Variants in COQ9 observed in about 807,000 individuals in gnomAD.
COQ9 encodes the protein coenzyme Q9, also known as ubiquinone biosynthesis protein COQ9, mitochondrial.
In COQ9, 35 loss-of-function variants were observed where a neutral mutation model predicts 42.4. The ratio of observed to expected loss-of-function variants is 0.83; its 90% CI spans 0.63 to 1.10. The LOEUF (loss-of-function observed/expected upper bound fraction) is 1.10. Among genes scored for constraint, COQ9 ranks in the 50% least tolerant of loss-of-function variants. COQ9 has a pLI of 0.00. For synonymous variants in COQ9, 155 were observed against 155.1 expected (o/e 1.00, Z 0.00); for missense variants, 406 against 414.6 (o/e 0.98, Z 0.18).
intron 2 of COQ9, 116 bp downstream of exon 2, chr16:57,451,324 T>C (rs757898682): frequency 1.6e-5 from 20 of 1,223,104 alleles, no homozygotes; most frequent in Non-Finnish European, 2.4e-5. Context: ...TCCAAGGCCA[T>C]CTTTGTTTTT....
At position 57,459,712 on chromosome 16, in the gene COQ9, G is replaced by C; in HGVS notation, c.859G>C (p.Ala287Pro). 6.2e-7 allele frequency: 1 copy of C among 1,614,108 alleles called. No homozygotes were observed. Among genetic ancestry groups the C allele is most frequent in the South Asian group, 1.1e-5 (1 of 91,088 alleles). Reference sequence around the variant, plus strand: ...TGATGCAATGAACATGGGCCACACTGCCAAGCAGGTAGGTGGGGACTAGCC... The same window carrying C: ...TGATGCAATGAACATGGGCCACACTCCCAAGCAGGTAGGTGGGGACTAGCC... ...VNDAMNMGHT[A>P]KQVKSTGEAL... Residue 287 changes from alanine (A) to proline (P), a missense_variant, in exon 7 of 9, where the codon GCC becomes CCC. By Grantham distance (27) the Ala-to-Pro change is conservative. Coordinates refer to ENST00000262507, the MANE Select transcript of COQ9 (RefSeq NM_020312.4).
intron 5 of COQ9, 151 bp downstream of exon 5, chr16:57,457,166 G>A (rs1417434402): frequency 1.4e-6 from 1 of 737,198 alleles, no homozygotes; most frequent in Admixed American, 2.0e-5. Flanking sequence ...TGGTAAAGCT[G>A]GGTTTCAAAC....
In COQ9 at chr16:57,459,557, C is replaced by A; in HGVS notation, c.712-8C>A. The A allele has an allele frequency of 6.2e-7, 1 of 1,614,118 alleles. No homozygotes were observed. The highest frequency in any genetic ancestry group is 1.1e-5 in the South Asian group (1 of 91,074). ...CAGCCCACAGCGGTAGTGTGGGTTT[C>A]TTTACAGTTTAACTGGTACACCCGC... On this transcript the variant is annotated splice_polypyrimidine_tract_variant and splice_region_variant and intron_variant, in intron 6 of 8. Coordinates refer to ENST00000262507, the MANE Select transcript of COQ9 (RefSeq NM_020312.4).
intron 3 of COQ9, chr16:57,453,218 C>T (rs2030328376): frequency 3.9e-6 from 2 of 511,718 alleles, no homozygotes; most frequent in African/African-American, 1.9e-5. Flanking sequence ...CTCTAAGATG[C>T]CATTGGTTGT....
chr16:57,456,492 C>A lies in COQ9; in HGVS notation c.379-12C>A, dbSNP rs1451236521. On this transcript the variant is annotated splice_polypyrimidine_tract_variant and intron_variant, in intron 3 of 8. Transcript: ENST00000262507. Reference sequence around the variant, plus strand: ...GGCACCGCTTTTCTGTTTTCTGTCTCCCCTTTTGTAGTCTCTGGGTCTCTC... The same window carrying A: ...GGCACCGCTTTTCTGTTTTCTGTCTACCCTTTTGTAGTCTCTGGGTCTCTC... The A allele has an allele frequency of 6.2e-7, 1 of 1,614,028 alleles. No individual in the cohort carries two copies. The highest frequency in any genetic ancestry group is 1.1e-5 in the South Asian group (1 of 91,014).
intron 2 of COQ9, among the ~76,000 whole-genome samples, chr16:57,451,934 C>T (rs564469881): frequency 2.0e-5 from 3 of 152,224 alleles, no homozygotes; most frequent in Admixed American, 6.5e-5. Flanking sequence ...AGATTTTTTA[C>T]TTATGTGGGC....
Position 57,460,731 on chromosome 16 carries a change from A to G in COQ9, c.*107A>G. The stretch of plus-strand genomic sequence containing the variant: ...CACATAACCTGGTGTTCACGAGAAC[A>G]CACTAAAGGACTCCTGAGTCACTAC... On this transcript the variant is annotated 3_prime_UTR_variant, in exon 9 of 9. Coordinates refer to ENST00000262507, the MANE Select transcript of COQ9 (RefSeq NM_020312.4). 1 of 1,024,722 alleles carries G rather than the reference A, an allele frequency of 9.8e-7. No homozygotes were observed. Among genetic ancestry groups the G allele is most frequent in the Non-Finnish European group, 1.5e-6 (1 of 660,992 alleles). 63.5% of individuals were successfully genotyped at this position (1,024,722 alleles called of 1,614,324 possible). A position where few individuals can be genotyped will look rare whatever the true frequency, so the allele number is the denominator to read the frequency against.
chr16:57,456,402 A>G, intron 3 of COQ9, 102 bp from the exon 4 acceptor site: 1 of 1,357,698 alleles, frequency 7.4e-7, no homozygotes, highest in Non-Finnish European at 1.0e-6. Context: ...GAGTGAAGAA[A>G]TCAAGCTGCT....
chr16:57,448,905 T>C (rs2030209946), intron 1 of COQ9, among the ~76,000 whole-genome samples: 1 of 152,192 alleles, frequency 6.6e-6, no homozygotes, highest in Non-Finnish European at 1.5e-5. Flanking sequence ...AATAGTATTT[T>C]TTTTATGGAA....
At chr16:57,452,099 G>A (rs73561583) in intron 2 of COQ9, among the ~76,000 whole-genome samples, 10,011 of 152,074 alleles carry the variant, frequency 0.066, 381 homozygotes, top group African/African-American at 0.1. Context: ...TTCAATTCAA[G>A]AAATATTTTT....
intron 6 of COQ9, 75 bp downstream of exon 6, chr16:57,458,425 T>C (rs1431109621): frequency 8.7e-7 from 1 of 1,149,078 alleles, no homozygotes; most frequent in Non-Finnish European, 1.3e-6. Flanking sequence ...GCTTGTGAAA[T>C]TGCTTTGATC....
rs565839543 is a variant in COQ9 at position 57,453,356 on chromosome 16, G to T, written c.378+420G>T. The T allele has an allele frequency of 8.4e-4, 252 of 298,934 alleles. 4 individuals carry two copies. Among genetic ancestry groups the T allele is most frequent in the South Asian group, 7.8e-3 (246 of 31,706 alleles). The allele number at this position is 298,934 out of a possible 1,614,324, so 18.5% of individuals were successfully genotyped here. A position where few individuals can be genotyped will look rare whatever the true frequency, so the allele number is the denominator to read the frequency against. ...AATATATCTGCATCTTAGAATTAATGACATATGGTGTTTGAAAACCCCCAA... is the reference window on the plus strand; with the variant it reads ...AATATATCTGCATCTTAGAATTAATTACATATGGTGTTTGAAAACCCCCAA... On this transcript the variant is annotated intron_variant, in intron 3 of 8. Coordinates refer to ENST00000262507, the MANE Select transcript of COQ9 (RefSeq NM_020312.4).
chr16:57,457,606 GACT>G (rs1401229194), intron 5 of COQ9, among the ~76,000 whole-genome samples: 2 of 152,224 alleles, frequency 1.3e-5, no homozygotes, highest in Non-Finnish European at 2.9e-5. Context: ...TCAGCTGGAA[GACT>G]ACTAAGCACG....
At chr16:57,460,145 A>G in intron 8 of COQ9, 41 bp downstream of exon 8, 1 of 1,601,576 alleles carries the variant, frequency 6.2e-7, no homozygotes, top group South Asian at 1.1e-5. Flanking sequence ...CCTCTCTCCC[A>G]TTCCGGCTCT....
In COQ9 at chr16:57,456,530, C is replaced by T. The variant is rs774373599; in HGVS notation, c.405C>T (p.Ala135=). The part of the protein sequence containing the change: ...AQSLGLSSAA[A]SMFGKDGSEL... Reference sequence around the variant, plus strand: ...CTCTGGGTCTCTCCAGTGCAGCAGCCAGCATGTTCGGGAAGGATGGCAGTG... The same window carrying T: ...CTCTGGGTCTCTCCAGTGCAGCAGCTAGCATGTTCGGGAAGGATGGCAGTG... The change falls in exon 4 of 9, where the codon GCC becomes GCT. Residue 135 remains alanine, a synonymous_variant. Transcript: ENST00000262507. 22 of 1,614,192 alleles carry T rather than the reference C, an allele frequency of 1.4e-5. No homozygotes were observed. Among genetic ancestry groups the T allele is most frequent in the Non-Finnish European group, 1.9e-5 (22 of 1,180,036 alleles).
rs2030532073 is a variant in COQ9, at chr16:57,461,269, T to C, written c.*645T>C. The C allele has an allele frequency of 7.2e-6, 3 of 418,446 alleles. No individual in the cohort carries two copies. The highest frequency in any genetic ancestry group is 7.4e-5 in the East Asian group (1 of 13,558). The allele number at this position is 418,446 out of a possible 1,614,324, so 25.9% of individuals were successfully genotyped here. On this transcript the variant is annotated 3_prime_UTR_variant, in exon 9 of 9. Coordinates refer to ENST00000262507, the MANE Select transcript of COQ9 (RefSeq NM_020312.4). ...AAAATAATAAATATGTTTGAAGTAG[T>C]TTCCCATTGTGTAGTTAGTTTCCTT...
chr16:57,450,644 T>G, intron 1 of COQ9: 1 of 291,436 alleles, frequency 3.4e-6, no homozygotes, highest in Non-Finnish European at 6.7e-6. Flanking sequence ...GCTCTTGCCA[T>G]AATATATATA....
At chr16:57,457,372 C>T in intron 5 of COQ9, 1 of 369,186 alleles carries the variant, frequency 2.7e-6, no homozygotes, top group South Asian at 2.2e-5. Flanking sequence ...ACTTGAATAA[C>T]AGCCCTGTGG....
chr16:57,447,559 G>A lies in COQ9; in HGVS notation c.54G>A (p.Leu18=), dbSNP rs2146581493. 2.3e-6 allele frequency: 3 copies of A among 1,292,458 alleles called. No homozygotes were observed. The highest frequency in any genetic ancestry group is 3.0e-6 in the Non-Finnish European group (3 of 1,015,094). 80.1% of individuals were successfully genotyped at this position (1,292,458 alleles called of 1,614,324 possible). Residue 18 remains leucine (L), a synonymous_variant, in exon 1 of 9, where the codon CTG becomes CTA. Coordinates refer to ENST00000262507, the MANE Select transcript of COQ9 (RefSeq NM_020312.4). ...TTGGCCGGGCGGGCTGGAGGCTCCT[G>A]CAGCTGCGATGCCTGCCCGGTGAGG... The part of the protein sequence containing the change: ...GALGRAGWRL[L]QLRCLPVARC...
Sources: gnomAD v4.1 joint callset for allele counts (sites outside exome capture counted in the v4.1 genomes callset) on GRCh38, gnomAD v4.1.1 for gene constraint, MANE v1.5 for transcripts, NCBI Gene and HGNC (gene_info 2026-07-23, HGNC 2026-07-21) for gene names.